FOCAD: variants seen among roughly 807,000 people sequenced by gnomAD.
FOCAD encodes focadhesin.
FOCAD carries 198 observed loss-of-function variants against 225.6 expected under a neutral mutation model. The observed-to-expected ratio is 0.88, with a 90% CI of 0.78 to 0.99. FOCAD has a LOEUF of 0.99. Ranked by LOEUF, FOCAD falls within the 50% of genes least tolerant of loss-of-function variation. The probability of loss-of-function intolerance (pLI) is 0.00; values close to 1 mark genes in which losing one functional copy is unlikely to be tolerated. For synonymous variants in FOCAD, 897 were observed against 755.0 expected (o/e 1.19, Z -3.08); for missense variants, 2,713 against 2,123.6 (o/e 1.28, Z -5.46).
intron 5 of FOCAD, 133 bp downstream of exon 5, chr9:20,740,473 C>T (rs373946324): frequency 1.9e-6 from 1 of 519,176 alleles, no homozygotes. Context: ...TGGGTGTTGA[C>T]CTCTCAGGAA....
chr9:20,929,448 T>G lies in FOCAD; in HGVS notation c.3169T>G (p.Ser1057Ala). The change falls in exon 27 of 44, where the codon TCT becomes GCT. Residue 1057 changes from serine to alanine, a missense_variant. Ser to Ala is a moderately conservative substitution (Grantham distance 99). Coordinates refer to ENST00000338382, the MANE Select transcript of FOCAD (RefSeq NM_001375567.1). ...LSLLVPVFII[S>A]CKEKVEEILN... Reference sequence around the variant, plus strand: ...TCTCCTTGTGCCAGTTTTCATTATCTCTTGCAAAGAGAAGGTTGAGGAAAT... The same window carrying G: ...TCTCCTTGTGCCAGTTTTCATTATCGCTTGCAAAGAGAAGGTTGAGGAAAT... 1 of 1,614,026 alleles carries G rather than the reference T, an allele frequency of 6.2e-7. No homozygotes were observed. Among genetic ancestry groups the G allele is most frequent in the East Asian group, 2.2e-5 (1 of 44,890 alleles).
chr9:20,814,144 C>G (rs1054205503), intron 11 of FOCAD, among the ~76,000 whole-genome samples: 1 of 152,004 alleles, frequency 6.6e-6, no homozygotes, highest in African/African-American at 2.4e-5. Flanking sequence ...TTTCGGAATC[C>G]ACTGTATGTC....
At chr9:20,890,742 G>A (rs564690852) in intron 21 of FOCAD, among the ~76,000 whole-genome samples, 5 of 152,058 alleles carry the variant, frequency 3.3e-5, no homozygotes, top group Admixed American at 3.3e-4. Context: ...GTATAGAATT[G>A]TTATTAATTT....
At chr9:20,679,380 A>G (rs1385870620), upstream of FOCAD, among the ~76,000 whole-genome samples, 1 of 152,130 alleles carries the variant, frequency 6.6e-6, no homozygotes, top group Admixed American at 6.6e-5. Flanking sequence ...TTCGTGCCTG[A>G]TGATGAATGG....
At chr9:20,881,328 A>G (rs1830648724) in intron 19 of FOCAD, among the ~76,000 whole-genome samples, 1 of 152,208 alleles carries the variant, frequency 6.6e-6, no homozygotes, top group Non-Finnish European at 1.5e-5. Context: ...GGTATTAGAC[A>G]TTAACTCTGA....
chr9:20,944,082 G>A (rs1836932376), intron 28 of FOCAD, among the ~76,000 whole-genome samples: 2 of 152,202 alleles, frequency 1.3e-5, no homozygotes, highest in Admixed American at 1.3e-4. Flanking sequence ...TGCACAAACA[G>A]TTTCTTTAGG....
In FOCAD at chr9:20,783,799, T is replaced by G. The variant is rs137946727; in HGVS notation, c.1197+1870T>G. Among the ~76,000 whole-genome samples, 722 of 152,144 alleles carry G rather than the reference T, an allele frequency of 4.7e-3. 6 individuals are homozygous for G. The highest frequency in any genetic ancestry group is 0.017 in the African/African-American group (687 of 41,516). ...CTGCTTCCTCCTTGTTCTCCTCCAC[T>G]CCCGCAAGAGAATGTGGGGGATAAA... On this transcript the variant is annotated intron_variant, in intron 10 of 43. Coordinates refer to ENST00000338382, the MANE Select transcript of FOCAD (RefSeq NM_001375567.1).
intron 6 of FOCAD, among the ~76,000 whole-genome samples, chr9:20,761,321 A>G (rs556300000): frequency 2.0e-5 from 3 of 152,252 alleles, no homozygotes; most frequent in African/African-American, 7.2e-5. Flanking sequence ...GTCTAACATA[A>G]TTTTTCAGAT....
intron 28 of FOCAD, among the ~76,000 whole-genome samples, chr9:20,940,951 C>T (rs1451099653): frequency 6.6e-6 from 1 of 151,928 alleles, no homozygotes; most frequent in East Asian, 1.9e-4. Flanking sequence ...CAAGTGTCAC[C>T]CACACTTTTT....
intron 2 of FOCAD, among the ~76,000 whole-genome samples, chr9:20,662,908 A>G (rs1466862656): frequency 6.6e-6 from 1 of 152,242 alleles, no homozygotes; most frequent in Non-Finnish European, 1.5e-5. Flanking sequence ...TAAAGGAATA[A>G]TTCAAATAAC....
chr9:20,777,902 A>G (rs1468710530), intron 8 of FOCAD, among the ~76,000 whole-genome samples: 2 of 151,952 alleles, frequency 1.3e-5, no homozygotes, highest in Admixed American at 6.5e-5. Context: ...GGAGATCGAG[A>G]CCACGGTGAA....
intron 24 of FOCAD, among the ~76,000 whole-genome samples, chr9:20,919,770 T>C (rs1564152091): frequency 6.6e-6 from 1 of 151,954 alleles, no homozygotes; most frequent in Non-Finnish European, 1.5e-5. Flanking sequence ...TGTAGAAAGC[T>C]GAAACTGGAT....
intron 39 of FOCAD, among the ~76,000 whole-genome samples, chr9:20,984,872 C>CT (rs1420649536): frequency 1.3e-5 from 2 of 152,230 alleles, no homozygotes; most frequent in Non-Finnish European, 2.9e-5. Context: ...ATGATCTCAA[C>CT]TCACTGCAAC....
intron 35 of FOCAD, among the ~76,000 whole-genome samples, chr9:20,962,488 C>T (rs1166456253): frequency 6.6e-6 from 1 of 151,572 alleles, no homozygotes; most frequent in Admixed American, 6.6e-5. Context: ...TACCTATAAG[C>T]AGCATTTAGC....
intron 1 of FOCAD, among the ~76,000 whole-genome samples, chr9:20,696,805 A>T (rs533382523): frequency 1.3e-4 from 19 of 149,856 alleles, no homozygotes; most frequent in South Asian, 1.3e-3. Context: ...TCTATCTTAT[A>T]ATAATAATAA....
At chr9:20,977,901 T>A (rs796990711) in intron 36 of FOCAD, among the ~76,000 whole-genome samples, 5 of 152,218 alleles carry the variant, frequency 3.3e-5, no homozygotes, top group African/African-American at 1.2e-4. Flanking sequence ...AAGGTGCTGA[T>A]TGGAATCTTA....
intron 5 of FOCAD, among the ~76,000 whole-genome samples, chr9:20,744,141 A>C (rs1563935924): frequency 6.6e-6 from 1 of 151,946 alleles, no homozygotes; most frequent in African/African-American, 2.4e-5. Context: ...AGTGTTCTTC[A>C]TGGTCAGACG....
At chr9:20,819,192 T>G (rs1280069135) in intron 11 of FOCAD, among the ~76,000 whole-genome samples, 3 of 152,082 alleles carry the variant, frequency 2.0e-5, no homozygotes, top group Non-Finnish European at 4.4e-5. Flanking sequence ...CATTAGAACT[T>G]TACATTTCTT....
chr9:20,931,596 A>G (rs776533097), intron 27 of FOCAD, among the ~76,000 whole-genome samples: 28 of 152,240 alleles, frequency 1.8e-4, no homozygotes, highest in Non-Finnish European at 4.0e-4. Context: ...ATGTGTCCCA[A>G]TGTGGTCCTT....
Sources: allele counts gnomAD v4.1 joint callset (sites outside exome capture counted in the v4.1 genomes callset), GRCh38; gene constraint gnomAD v4.1.1; transcripts MANE v1.5; gene names NCBI Gene and HGNC (gene_info 2026-07-23, HGNC 2026-07-21).